The following CRPPA variants were observed in gnomAD, a reference collection of about 807,000 sequenced individuals.
CRPPA encodes the protein CDP-L-ribitol pyrophosphorylase A, also known as D-ribitol-5-phosphate cytidylyltransferase.
In CRPPA, 43 loss-of-function variants were observed where a neutral mutation model predicts 52.0. That is an observed-to-expected ratio of 0.83 (90% CI 0.65 to 1.07). The LOEUF is 1.07. Among genes scored for constraint, CRPPA ranks in the 50% least tolerant of loss-of-function variants. CRPPA has a pLI of 0.00. For synonymous variants in CRPPA, 250 were observed against 203.5 expected, an observed-to-expected ratio of 1.23 and a Z score of -1.94; for missense variants, 629 against 551.7, an observed-to-expected ratio of 1.14 and a Z score of -1.40.
Position 16,090,567 on chromosome 7 carries a change from A to AAG in CRPPA, c.*1127_*1128insCT, listed in dbSNP as rs1781816073. 6.7e-6 allele frequency: 1 copy of AAG among 148,330 alleles called. No individual in the cohort carries two copies. Among genetic ancestry groups the AAG allele is most frequent in the Non-Finnish European group, 1.5e-5 (1 of 67,346 alleles). 9.2% of individuals were successfully genotyped at this position (148,330 alleles called of 1,614,324 possible). A position where few individuals can be genotyped will look rare whatever the true frequency, so the allele number is the denominator to read the frequency against. On this transcript the variant is annotated 3_prime_UTR_variant, in exon 10 of 10. Transcript: ENST00000407010. ...AAAAATACAAAAAAAAAAAAAAAAA[A>AAG]AAAAAATTAGCCAGGTGTGGTGGCA...
intron 8 of CRPPA, among the ~76,000 whole-genome samples, chr7:16,234,116 C>A (rs1455912556): frequency 7.9e-5 from 12 of 152,098 alleles, no homozygotes; most frequent in Admixed American, 7.9e-4. Context: ...AAATGTTGCA[C>A]ATATAAACTA....
intron 9 of CRPPA, among the ~76,000 whole-genome samples, chr7:16,182,609 A>G (rs1009936824): frequency 1.3e-4 from 20 of 152,204 alleles, no homozygotes; most frequent in African/African-American, 4.8e-4. Flanking sequence ...CAGAGCATCT[A>G]CACAATCCTC....
intron 9 of CRPPA, among the ~76,000 whole-genome samples, chr7:16,179,449 G>C (rs920744323): frequency 6.6e-6 from 1 of 151,952 alleles, no homozygotes; most frequent in Non-Finnish European, 1.5e-5. Flanking sequence ...ATCTGAGTGG[G>C]GCCCAACATA....
intron 9 of CRPPA, among the ~76,000 whole-genome samples, chr7:16,178,972 G>T (rs555989939): frequency 2.5e-4 from 38 of 152,146 alleles, no homozygotes; most frequent in African/African-American, 9.1e-4. Flanking sequence ...GAGAGATAAA[G>T]AAATAGAGCA....
intron 3 of CRPPA, among the ~76,000 whole-genome samples, chr7:16,340,346 G>A (rs185220473): frequency 1.1e-3 from 170 of 152,040 alleles, no homozygotes; most frequent in Non-Finnish European, 2.0e-3. Context: ...CAAAAGATAT[G>A]TGGTAAAAGA....
intron 5 of CRPPA, among the ~76,000 whole-genome samples, chr7:16,286,425 G>C (rs746511602): frequency 6.6e-6 from 1 of 151,742 alleles, no homozygotes; most frequent in African/African-American, 2.4e-5. Context: ...CTCCTCTTTG[G>C]TGTTTCTCTG....
chr7:16,286,097 A>AAAAAAAATATAT lies in CRPPA; in HGVS notation c.836-7872_836-7871insATATATTTTTTT. On this transcript the variant is annotated intron_variant, in intron 5 of 9. Coordinates refer to ENST00000407010, the MANE Select transcript of CRPPA (RefSeq NM_001101426.4). ...TATATATATAATATTTAAAAAAAAA[A>AAAAAAAATATAT]ATATATATATATATATATATGCCAA... Among the ~76,000 whole-genome samples, 305 of 39,102 alleles carry AAAAAAAATATAT rather than the reference A, an allele frequency of 7.8e-3. 27 individuals carry two copies. Among genetic ancestry groups the AAAAAAAATATAT allele is most frequent in the Non-Finnish European group, 9.2e-3 (227 of 24,634 alleles). The allele number at this position is 39,102 out of a possible 152,430, so 25.7% of individuals were successfully genotyped here.
At chr7:16,121,567 C>T (rs1307587751) in intron 9 of CRPPA, among the ~76,000 whole-genome samples, 3 of 151,944 alleles carry the variant, frequency 2.0e-5, no homozygotes, top group South Asian at 2.1e-4. Flanking sequence ...TAGAAGTAAG[C>T]GTTCTTTTTT....
intron 1 of CRPPA, among the ~76,000 whole-genome samples, chr7:16,420,377 TATAAC>T (rs1788296481): frequency 6.6e-6 from 1 of 152,126 alleles, no homozygotes; most frequent in Non-Finnish European, 1.5e-5. Flanking sequence ...AAGTTAATAT[TATAAC>T]ATACCCCTTC....
chr7:16,256,426 G>T (rs1783642140), intron 8 of CRPPA, among the ~76,000 whole-genome samples: 1 of 152,078 alleles, frequency 6.6e-6, no homozygotes, highest in South Asian at 2.1e-4. Context: ...TACACCCAAA[G>T]GATTATAAAT....
At chr7:16,227,088 G>T (rs1360900735) in intron 8 of CRPPA, among the ~76,000 whole-genome samples, 1 of 151,722 alleles carries the variant, frequency 6.6e-6, no homozygotes, top group Non-Finnish European at 1.5e-5. Flanking sequence ...CTTTTTCATG[G>T]CCAAAGAGTA....
At chr7:16,286,087 T>TAAAAAA (rs1206296972) in intron 5 of CRPPA, among the ~76,000 whole-genome samples, 5 of 15,500 alleles carry the variant, frequency 3.2e-4, no homozygotes, top group Admixed American at 3.0e-3. Context: ...ATATAATATT[T>TAAAAAA]AAAAAAAAAA....
chr7:16,241,600 T>A (rs1191938127), intron 8 of CRPPA, among the ~76,000 whole-genome samples: 1 of 152,200 alleles, frequency 6.6e-6, no homozygotes, highest in African/African-American at 2.4e-5. Context: ...AAACACTTAT[T>A]TGGTACATAT....
intron 9 of CRPPA, among the ~76,000 whole-genome samples, chr7:16,146,880 A>T (rs1338107783): frequency 6.6e-6 from 1 of 152,238 alleles, no homozygotes; most frequent in East Asian, 1.9e-4. Context: ...GTCAGAAAAC[A>T]ATAGACAAAT....
intron 9 of CRPPA, among the ~76,000 whole-genome samples, chr7:16,103,120 C>A (rs1307668296): frequency 6.6e-6 from 1 of 152,124 alleles, no homozygotes. Context: ...GAATACTATG[C>A]AGCCATAAAA....
At chr7:16,332,988 A>G (rs1434351730) in intron 3 of CRPPA, among the ~76,000 whole-genome samples, 2 of 152,158 alleles carry the variant, frequency 1.3e-5, no homozygotes, top group Admixed American at 6.5e-5. Flanking sequence ...CTAATTTCAC[A>G]CACAACCAAA....
In CRPPA at chr7:16,091,739, T is replaced by A; in HGVS notation, c.1312A>T (p.Lys438Ter). 1 of 1,564,374 alleles carries A rather than the reference T, an allele frequency of 6.4e-7. No homozygotes were observed. Among genetic ancestry groups the A allele is most frequent in the South Asian group, 1.2e-5 (1 of 84,124 alleles). Reference sequence around the variant, plus strand: ...CCAATGAGTCCAGAATTTCTTTCCTTGATTAATGAAGCAATAATGATAGCA... The same window carrying A: ...CCAATGAGTCCAGAATTTCTTTCCTAGATTAATGAAGCAATAATGATAGCA... Reference protein sequence around the residue: ...QGAIIIASLIKERNSGLIGQL... With the variant: ...QGAIIIASLI Residue 438 changes from lysine to a stop codon, truncating the protein, a stop_gained, in exon 10 of 10, where the codon AAG becomes TAG. Transcript: ENST00000407010. LOFTEE classifies it high-confidence loss of function.
intron 5 of CRPPA, among the ~76,000 whole-genome samples, chr7:16,296,448 A>G (rs1212561220): frequency 6.6e-6 from 1 of 152,176 alleles, no homozygotes; most frequent in African/African-American, 2.4e-5. Context: ...CTTGCAAAAC[A>G]TGAGACATGA....
rs78791023 is a variant in CRPPA, at chr7:16,089,847, G to A, written c.*1848C>T. ...ATGTTAACTCAGCCAGCACTCCAGC[G>A]ATCAGGGTGATTTTGCTGTGCCACA... On this transcript the variant is annotated 3_prime_UTR_variant, in exon 10 of 10. Coordinates refer to ENST00000407010, the MANE Select transcript of CRPPA (RefSeq NM_001101426.4). The A allele has an allele frequency of 0.015, 2,514 of 164,338 alleles. 60 individuals carry two copies. Among genetic ancestry groups the A allele is most frequent in the African/African-American group, 0.056 (2,332 of 41,634 alleles). 10.2% of individuals were successfully genotyped at this position (164,338 alleles called of 1,614,324 possible). A position where few individuals can be genotyped will look rare whatever the true frequency, so the allele number is the denominator to read the frequency against.
Sources: allele counts gnomAD v4.1 joint callset (sites outside exome capture counted in the v4.1 genomes callset), GRCh38; gene constraint gnomAD v4.1.1; transcripts MANE v1.5; gene names NCBI Gene and HGNC (gene_info 2026-07-23, HGNC 2026-07-21).